The following EYA1 variants were observed in gnomAD, a reference collection of about 807,000 sequenced individuals.
EYA1 encodes EYA transcriptional coactivator and phosphatase 1.
EYA1 carries 16 observed loss-of-function variants against 82.0 expected under a neutral mutation model. The ratio of observed to expected loss-of-function variants is 0.20; its 90% CI spans 0.13 to 0.30. EYA1 has a LOEUF of 0.30. EYA1 is among the 10% of genes least tolerant of loss of function. The probability of loss-of-function intolerance (pLI) is 1.00; values close to 1 mark genes in which losing one functional copy is unlikely to be tolerated. For missense variants in EYA1, 633 were observed against 730.7 expected, an observed-to-expected ratio of 0.87 and a Z score of 1.54; for synonymous variants, 261 against 264.4, an observed-to-expected ratio of 0.99 and a Z score of 0.12.
intron 3 of EYA1, among the ~76,000 whole-genome samples, chr8:71,334,763 G>A (rs569635309): frequency 7.2e-5 from 11 of 152,096 alleles, no homozygotes; most frequent in Admixed American, 1.3e-4. Context: ...TGTATGCTTC[G>A]TACCAAAAAC....
Position 71,299,057 on chromosome 8 carries a change from A to C in EYA1, c.816T>G (p.Asp272Glu), listed in dbSNP as rs1441640157. The C allele has an allele frequency of 6.2e-7, 1 of 1,613,804 alleles. No individual in the cohort carries two copies. The highest frequency in any genetic ancestry group is 1.7e-5 in the Admixed American group (1 of 59,996). ...TATTCACATAATTACCTGCTGTGGG[A>C]TCTGTAACTGCTTGGCTGGTGATGC... Reference protein sequence around the residue: ...PSGITSQAVTDPTAEYSTIHS... With the variant: ...PSGITSQAVTEPTAEYSTIHS... The change falls in exon 9 of 18, where the codon GAT (aspartate) becomes GAG (glutamate). Residue 272 changes from aspartate to glutamate, a missense_variant. Coordinates refer to ENST00000340726, the MANE Select transcript of EYA1 (RefSeq NM_000503.6).
At chr8:71,536,558 G>A (rs1272065593) in intron 1 of EYA1, among the ~76,000 whole-genome samples, 2 of 152,114 alleles carry the variant, frequency 1.3e-5, no homozygotes, top group Non-Finnish European at 2.9e-5. Flanking sequence ...CTAATGTTCA[G>A]AATTAATTTT....
rs544885047 is a variant in EYA1 at position 71,413,598 on chromosome 8, A to T, written c.34-57087T>A. 2.0e-5 allele frequency among the ~76,000 whole-genome samples: 3 copies of T among 152,320 alleles called. No individual in the cohort carries two copies. The East Asian group carries it at 5.8e-4, about 29-fold the overall frequency. On this transcript the variant is annotated intron_variant, in intron 2 of 18. Coordinates refer to the EYA1 transcript ENST00000643681. The stretch of plus-strand genomic sequence containing the variant: ...TAAAACAACCTTCTCTATGTCACAA[A>T]TTATATAAATAGCCATTTTCTGATT...
At chr8:71,519,066 T>C (rs950529298) in intron 2 of EYA1, among the ~76,000 whole-genome samples, 6 of 152,306 alleles carry the variant, frequency 3.9e-5, no homozygotes, top group South Asian at 2.1e-4. Flanking sequence ...GCCAATTTAT[T>C]TTCTTCACTA....
At chr8:71,434,922 C>A (rs74883730) in intron 2 of EYA1, among the ~76,000 whole-genome samples, 5,217 of 152,136 alleles carry the variant, frequency 0.034, 305 homozygotes, top group African/African-American at 0.12. Context: ...TGTACACTCA[C>A]AGACATATAT....
intron 2 of EYA1, among the ~76,000 whole-genome samples, chr8:71,372,995 G>T (rs532705452): frequency 5.9e-5 from 9 of 151,992 alleles, no homozygotes; most frequent in Non-Finnish European, 4.4e-5. Flanking sequence ...CATAATAAAG[G>T]CCATTTATAA....
At chr8:71,366,136 GCTGC>G (rs1192374711), upstream of EYA1, among the ~76,000 whole-genome samples, 84 of 150,034 alleles carry the variant, frequency 5.6e-4, no homozygotes, top group East Asian at 6.0e-3. Flanking sequence ...TGTAGTAATG[GCTGC>G]CTATCAGATT....
chr8:71,480,714 T>A (rs1810073062), intron 2 of EYA1, among the ~76,000 whole-genome samples: 1 of 152,028 alleles, frequency 6.6e-6, no homozygotes, highest in Non-Finnish European at 1.5e-5. Flanking sequence ...AAACATTATA[T>A]CTGCATGAAA....
chr8:71,506,122 G>T (rs1288699884), intron 2 of EYA1, among the ~76,000 whole-genome samples: 1 of 151,868 alleles, frequency 6.6e-6, no homozygotes, highest in Non-Finnish European at 1.5e-5. Context: ...CCCAGTCTTG[G>T]GTATTTCTTT....
chr8:71,384,020 T>A (rs1382074964), intron 2 of EYA1, among the ~76,000 whole-genome samples: 1 of 140,838 alleles, frequency 7.1e-6, no homozygotes, highest in Admixed American at 6.9e-5. Context: ...CTATCTTTAC[T>A]TTTTTTTTTA....
At chr8:71,501,180 T>A (rs960424709) in intron 2 of EYA1, among the ~76,000 whole-genome samples, 12 of 152,200 alleles carry the variant, frequency 7.9e-5, no homozygotes, top group Non-Finnish European at 1.3e-4. Context: ...ATATTAAATT[T>A]GGGTGGTGGG....
At chr8:71,461,903 G>T (rs1396105034) in intron 2 of EYA1, among the ~76,000 whole-genome samples, 1 of 152,134 alleles carries the variant, frequency 6.6e-6, no homozygotes, top group African/African-American at 2.4e-5. Context: ...AAGTGTTCAG[G>T]TCGCAGCAGC....
intron 1 of EYA1, among the ~76,000 whole-genome samples, chr8:71,542,670 A>G (rs904669832): frequency 6.6e-6 from 1 of 152,212 alleles, no homozygotes; most frequent in Non-Finnish European, 1.5e-5. Context: ...ACTCATTTAT[A>G]TTCCCACCTA....
intron 6 of EYA1, 63 bp downstream of exon 6, chr8:71,321,671 C>A: frequency 6.3e-7 from 1 of 1,580,850 alleles, no homozygotes; most frequent in Non-Finnish European, 8.6e-7. Context: ...AAGTACCACT[C>A]AAACATGTTA....
chr8:71,499,223 C>A (rs1168746730), intron 2 of EYA1, among the ~76,000 whole-genome samples: 2 of 152,224 alleles, frequency 1.3e-5, no homozygotes, highest in African/African-American at 2.4e-5. Flanking sequence ...TAGAGTCAGA[C>A]CCTCACTAAA....
intron 2 of EYA1, among the ~76,000 whole-genome samples, chr8:71,424,817 T>C (rs1408305079): frequency 6.6e-6 from 1 of 152,052 alleles, no homozygotes; most frequent in Non-Finnish European, 1.5e-5. Context: ...GGGTTACATG[T>C]GACTTCCTTC....
intron 11 of EYA1, among the ~76,000 whole-genome samples, chr8:71,258,990 C>T (rs1353636825): frequency 1.3e-5 from 2 of 152,074 alleles, no homozygotes; most frequent in African/African-American, 2.4e-5. Context: ...TTAGTGACCC[C>T]ATTCAGAGTG....
At chr8:71,394,154 T>A (rs1829446832) in intron 2 of EYA1, among the ~76,000 whole-genome samples, 1 of 152,232 alleles carries the variant, frequency 6.6e-6, no homozygotes, top group Non-Finnish European at 1.5e-5. Flanking sequence ...TTTTTTCTTG[T>A]AAATTTGTTT....
At chr8:71,361,032 A>G (rs1204894113) in intron 1 of EYA1, among the ~76,000 whole-genome samples, 2 of 152,256 alleles carry the variant, frequency 1.3e-5, no homozygotes, top group Non-Finnish European at 2.9e-5. Flanking sequence ...CAAAGTGTCA[A>G]TAAGAGAAAA....
Sources: gnomAD v4.1 joint callset for allele counts (sites outside exome capture counted in the v4.1 genomes callset) on GRCh38, gnomAD v4.1.1 for gene constraint, MANE v1.5 for transcripts, NCBI Gene and HGNC (gene_info 2026-07-23, HGNC 2026-07-21) for gene names.